Variants in DAZL observed in about 807,000 individuals in gnomAD.
DAZL encodes the protein deleted in azoospermia-like.
Under a neutral mutation model 45.0 loss-of-function variants are expected in DAZL, and 4 were observed. The ratio of observed to expected loss-of-function variants is 0.09; its 90% confidence interval spans 0.04 to 0.20. The LOEUF is 0.20. Among genes scored for constraint, DAZL ranks in the 10% least tolerant of loss-of-function variants. DAZL has a pLI of 1.00. For missense variants in DAZL, 326 were observed against 351.3 expected (o/e 0.93, Z 0.58); for synonymous variants, 122 against 112.4 (o/e 1.09, Z -0.54).
intron 9 of DAZL, among the ~76,000 whole-genome samples, chr3:16,592,781 T>C (rs756111848): frequency 7.9e-5 from 12 of 152,308 alleles, no homozygotes; most frequent in Non-Finnish European, 1.8e-4. Flanking sequence ...TAAGCTATTT[T>C]AATATTTATT....
Position 16,596,778 on chromosome 3 carries a change from G to A in DAZL, c.470C>T (p.Thr157Met), listed in dbSNP as rs779093467. The A allele has an allele frequency of 5.6e-5, 91 of 1,613,614 alleles. No individual in the cohort carries two copies. Among genetic ancestry groups the A allele is most frequent in the Non-Finnish European group, 6.7e-5 (79 of 1,179,702 alleles). Residue 157 changes from threonine to methionine, a missense_variant, in exon 6 of 11, where the codon ACG becomes ATG. By Grantham distance (81) the Thr-to-Met change is moderately conservative. Transcript: ENST00000399444. ...AACATACTGAGTTATAGGATTCATC[G>A]TGGTTGTGGGCTGCATATAAGTTTC... ...NTETYMQPTTTMNPITQYVQA... is the reference protein window; with the variant it reads ...NTETYMQPTTMMNPITQYVQA...
intron 8 of DAZL, 61 bp from the exon 9 acceptor site, chr3:16,593,829 T>C (rs1398601956): frequency 2.8e-6 from 3 of 1,086,724 alleles, no homozygotes; most frequent in Non-Finnish European, 4.1e-6. Flanking sequence ...AAAAGCCACT[T>C]ATTCTTCAAA....
intron 6 of DAZL, among the ~76,000 whole-genome samples, 163 bp downstream of exon 6, chr3:16,596,587 A>T (rs56398170): frequency 5.3e-5 from 8 of 152,066 alleles, no homozygotes; most frequent in Admixed American, 3.9e-4. Flanking sequence ...ATAAAGAACA[A>T]CACTAAGAAT....
Position 16,605,338 on chromosome 3 carries a change from T to C in DAZL, c.-133A>G. ...TTCGAGTGGTCAAAGGAGCCAAAGA[T>C]GAAGAGAAAAGGAAAACCAAGAGCG... On this transcript the variant is annotated 5_prime_UTR_variant, in exon 1 of 11. Transcript: ENST00000399444. 3 of 1,144,424 alleles carry C rather than the reference T, an allele frequency of 2.6e-6. No homozygotes were observed. Among genetic ancestry groups the C allele is most frequent in the South Asian group, 2.5e-5 (2 of 81,432 alleles). The allele number at this position is 1,144,424 out of a possible 1,614,324, so 70.9% of individuals were successfully genotyped here. A position where few individuals can be genotyped will look rare whatever the true frequency, so the allele number is the denominator to read the frequency against.
At chr3:16,602,030 A>G (rs1694697537) in intron 1 of DAZL, among the ~76,000 whole-genome samples, 1 of 152,200 alleles carries the variant, frequency 6.6e-6, no homozygotes, top group Non-Finnish European at 1.5e-5. Context: ...ATAGGAAGGA[A>G]CGAATAAAGA....
intron 1 of DAZL, among the ~76,000 whole-genome samples, chr3:16,602,659 A>C (rs956768035): frequency 2.6e-5 from 4 of 152,244 alleles, no homozygotes; most frequent in Non-Finnish European, 4.4e-5. Context: ...TTATATTGGA[A>C]ATGCAAGAAT....
chr3:16,593,584 T>C (rs1575416650), intron 9 of DAZL, 71 bp downstream of exon 9: 1 of 996,230 alleles, frequency 1.0e-6, no homozygotes, highest in East Asian at 2.7e-5. Context: ...GGATGATTGC[T>C]TCTCAAAAAA....
At chr3:16,602,857 A>G (rs1694713416) in intron 1 of DAZL, among the ~76,000 whole-genome samples, 2 of 152,214 alleles carry the variant, frequency 1.3e-5, no homozygotes, top group Non-Finnish European at 2.9e-5. Flanking sequence ...TGAAATTAGG[A>G]ATAAGGTAAG....
Position 16,605,349 on chromosome 3 carries a change from G to C in DAZL, c.-144C>G. ...AAAGGAGCCAAAGATGAAGAGAAAA[G>C]GAAAACCAAGAGCGGGTGACAAGGC... On this transcript the variant is annotated 5_prime_UTR_variant, in exon 1 of 11. Transcript: ENST00000399444. 9.8e-7 allele frequency: 1 copy of C among 1,019,026 alleles called. No individual in the cohort carries two copies. The highest frequency in any genetic ancestry group is 1.6e-6 in the Non-Finnish European group (1 of 644,822). 63.1% of individuals were successfully genotyped at this position (1,019,026 alleles called of 1,614,324 possible). A position where few individuals can be genotyped will look rare whatever the true frequency, so the allele number is the denominator to read the frequency against.
intron 7 of DAZL, among the ~76,000 whole-genome samples, chr3:16,595,046 TG>T (rs1694577645): frequency 6.6e-6 from 1 of 151,986 alleles, no homozygotes; most frequent in Non-Finnish European, 1.5e-5. Flanking sequence ...ACAGCAAAGA[TG>T]AAAAAATACA....
chr3:16,605,388 AAGGCGGACCGTCAGGCTGAGGAGCGC>A lies in DAZL; in HGVS notation c.-209_-184del, dbSNP rs1694764258. On this transcript the variant is annotated 5_prime_UTR_variant, in exon 1 of 11. Transcript: ENST00000399444. Reference sequence around the variant, plus strand: ...GGGTGACAAGGCTGAGGAGCCCCGAAAGGCGGACCGTCAGGCTGAGGAGCGCAGGCGGACTGAGGCGTGGTCCGCGG... The same window carrying A: ...GGGTGACAAGGCTGAGGAGCCCCGAAAGGCGGACTGAGGCGTGGTCCGCGG... 13 of 730,300 alleles carry A rather than the reference AAGGCGGACCGTCAGGCTGAGGAGCGC, an allele frequency of 1.8e-5. No individual in the cohort carries two copies. Among genetic ancestry groups the A allele is most frequent in the South Asian group, 1.1e-4 (7 of 62,234 alleles). 45.2% of individuals were successfully genotyped at this position (730,300 alleles called of 1,614,324 possible).
intron 1 of DAZL, among the ~76,000 whole-genome samples, chr3:16,602,127 T>A (rs1387693388): frequency 1.3e-5 from 2 of 150,356 alleles, no homozygotes; most frequent in Non-Finnish European, 3.0e-5. Flanking sequence ...GAGTTGGGGG[T>A]GGGGAGGATG....
rs1018405176 is a variant in DAZL, at chr3:16,599,958, T to G, written c.4-1360A>C. Among the ~76,000 whole-genome samples the G allele has an allele frequency of 5.3e-5, 8 of 152,214 alleles. No individual in the cohort carries two copies. In the South Asian group the frequency reaches 8.3e-4, roughly 16 times the overall value. ...ATTTTGTAAAGTATAAAGTGGTATA[T>G]CAATATAAGTTAGTGTCCTGTTATT... is the stretch of plus-strand genomic sequence containing the variant. On this transcript the variant is annotated intron_variant, in intron 1 of 10. Transcript: ENST00000399444.
At chr3:16,604,374 G>A (rs145828505) in intron 1 of DAZL, 23,361 of 1,360,738 alleles carry the variant, frequency 0.017, 247 homozygotes, top group Non-Finnish European at 0.02. Context: ...GGTTTATCGA[G>A]AGGGAAAAAA....
chr3:16,597,031 A>C lies in DAZL; in HGVS notation c.315T>G (p.Gly105=). ...TTGCAGGGCCCAGCTTCAGCTTTTT[A>C]CCATGGAAATTTATCTGTGACTGAA... is the stretch of plus-strand genomic sequence containing the variant. The part of the protein sequence containing the change: ...KIVESQINFH[G]KKLKLGPAIR... The change falls in exon 5 of 11, where the codon GGT becomes GGG. Residue 105 remains glycine, a synonymous_variant. Coordinates refer to ENST00000399444, the MANE Select transcript of DAZL (RefSeq NM_001351.4). 1.2e-6 allele frequency: 2 copies of C among 1,611,846 alleles called. No individual in the cohort carries two copies. Among genetic ancestry groups the C allele is most frequent in the Non-Finnish European group, 1.7e-6 (2 of 1,179,556 alleles).
chr3:16,593,906 C>G, intron 8 of DAZL, 138 bp from the exon 9 acceptor site: 1 of 602,026 alleles, frequency 1.7e-6, no homozygotes, highest in Non-Finnish European at 2.9e-6. Flanking sequence ...ATTTCAAAAA[C>G]TTTGTTTTAA....
intron 1 of DAZL, chr3:16,604,833 T>TG (rs1241413681): frequency 6.0e-6 from 3 of 500,126 alleles, no homozygotes; most frequent in African/African-American, 2.8e-5. Flanking sequence ...CGCGTGGGAG[T>TG]GGGGGCGGGG....
At position 16,595,300 on chromosome 3, in the gene DAZL, C is replaced by T. The variant is rs757402516; in HGVS notation, c.570+14G>A. ...AAATCTGAAAGTAAATCATTTTACT[C>T]CCTTTTAAATTACCTGATAATTATA... On this transcript the variant is annotated intron_variant, in intron 7 of 10. Transcript: ENST00000399444. The T allele has an allele frequency of 2.3e-5, 33 of 1,427,770 alleles. No homozygotes were observed. The highest frequency in any genetic ancestry group is 3.8e-5 in the Admixed American group (2 of 52,282). 88.4% of individuals were successfully genotyped at this position (1,427,770 alleles called of 1,614,324 possible). A position where few individuals can be genotyped will look rare whatever the true frequency, so the allele number is the denominator to read the frequency against.
chr3:16,599,665 A>C (rs1046910040), intron 1 of DAZL, among the ~76,000 whole-genome samples: 1 of 152,218 alleles, frequency 6.6e-6, no homozygotes, highest in Non-Finnish European at 1.5e-5. Context: ...AAACACACAT[A>C]TAACTCATTT....
Sources: allele counts gnomAD v4.1 joint callset (sites outside exome capture counted in the v4.1 genomes callset), GRCh38; gene constraint gnomAD v4.1.1; transcripts MANE v1.5; gene names NCBI Gene and HGNC (gene_info 2026-07-23, HGNC 2026-07-21).